The following DOCK2 variants were observed in gnomAD, a reference collection of about 807,000 sequenced individuals.
DOCK2 encodes the protein dedicator of cytokinesis protein 2.
In DOCK2, 87 loss-of-function variants were observed where a neutral mutation model predicts 248.9. The ratio of observed to expected loss-of-function variants is 0.35; its 90% CI spans 0.29 to 0.42. The LOEUF (loss-of-function observed/expected upper bound fraction) is 0.42, where lower values mean the gene tolerates loss of function less well. Among genes scored for constraint, DOCK2 ranks in the 10% least tolerant of loss-of-function variants. DOCK2 has a pLI of 1.00. For missense variants in DOCK2, 1,747 were observed against 2,300.2 expected, an observed-to-expected ratio of 0.76 and a Z score of 4.92; for synonymous variants, 805 against 821.6, an observed-to-expected ratio of 0.98 and a Z score of 0.35.
intron 27 of DOCK2, among the ~76,000 whole-genome samples, chr5:169,843,337 C>G (rs1208829471): frequency 6.6e-6 from 1 of 151,928 alleles, no homozygotes; most frequent in East Asian, 1.9e-4. Flanking sequence ...TCCTGGCTAA[C>G]ACGGTGAAAC....
At chr5:169,774,801 T>C (rs1168356913) in intron 25 of DOCK2, among the ~76,000 whole-genome samples, 2 of 152,232 alleles carry the variant, frequency 1.3e-5, no homozygotes, top group Admixed American at 6.5e-5. Flanking sequence ...TGTGGGAACC[T>C]TCTTTACTTC....
intron 35 of DOCK2, among the ~76,000 whole-genome samples, chr5:170,035,126 T>C (rs13355471): frequency 0.056 from 8,578 of 152,278 alleles, 783 homozygotes; most frequent in African/African-American, 0.2. Context: ...CCCAAGTTCT[T>C]AACCCCTATA....
At chr5:169,889,408 G>A (rs943670324) in intron 27 of DOCK2, among the ~76,000 whole-genome samples, 7 of 152,306 alleles carry the variant, frequency 4.6e-5, no homozygotes, top group Non-Finnish European at 8.8e-5. Flanking sequence ...TTCCAAGGAG[G>A]AAAAAGACCT....
At chr5:169,985,369 GTGT>G (rs1778041339) in intron 28 of DOCK2, among the ~76,000 whole-genome samples, 1 of 151,274 alleles carries the variant, frequency 6.6e-6, no homozygotes. Flanking sequence ...GTGTGTGTGT[GTGT>G]GTGTGTGTGT....
At chr5:169,699,306 TG>T in intron 11 of DOCK2, 75 bp from the exon 12 acceptor site, 3 of 1,458,826 alleles carry the variant, frequency 2.1e-6, no homozygotes, top group Non-Finnish European at 2.8e-6. Context: ...GTGGAGGGGC[TG>T]GGGAGATTCA....
rs563031723 is a variant in DOCK2 at position 170,068,022 on chromosome 5, G to A, written c.4644+336G>A. 7.2e-5 allele frequency among the ~76,000 whole-genome samples: 11 copies of A among 152,236 alleles called. No homozygotes were observed. In the South Asian group the frequency reaches 1.9e-3, roughly 26 times the overall value. ...AGTGTGAGCCAGACCATAAAAGTAC[G>A]TGCCAGTTGTATAAACCCACCTCTT... On this transcript the variant is annotated intron_variant, in intron 45 of 51. Coordinates refer to ENST00000520908, the MANE Select transcript of DOCK2 (RefSeq NM_004946.3).
At chr5:169,747,633 G>C in intron 23 of DOCK2, 129 bp downstream of exon 23, 4 of 704,300 alleles carry the variant, frequency 5.7e-6, no homozygotes, top group Non-Finnish European at 8.9e-6. Context: ...CTGGCCACTA[G>C]GTTAAAGACC....
rs35887608 is a variant in DOCK2 at position 169,718,765 on chromosome 5, T to G, written c.2241T>G (p.Ile747Met). The change falls in exon 22 of 52, where the codon ATT becomes ATG. Residue 747 changes from isoleucine (I) to methionine (M), a missense_variant. Physicochemically the swap from Ile to Met is conservative, Grantham distance 10. Transcript: ENST00000520908. ...CTTTGGAATATGTGTTCAAGTTCATTGTTCGGTCGAGGACATTATTTTCAC... is the reference window on the plus strand; with the variant it reads ...CTTTGGAATATGTGTTCAAGTTCATGGTTCGGTCGAGGACATTATTTTCAC... ...LKALEYVFKF[I>M]VRSRTLFSQL... The G allele has an allele frequency of 6.2e-7, 1 of 1,613,748 alleles. No homozygotes were observed. The highest frequency in any genetic ancestry group is 8.5e-7 in the Non-Finnish European group (1 of 1,179,722).
At chr5:170,052,028 G>A (rs1756935256) in intron 41 of DOCK2, among the ~76,000 whole-genome samples, 1 of 152,122 alleles carries the variant, frequency 6.6e-6, no homozygotes, top group South Asian at 2.1e-4. Flanking sequence ...GCAAGGATAG[G>A]GCCAACTGCT....
chr5:169,666,050 G>T (rs1006351456), intron 2 of DOCK2, among the ~76,000 whole-genome samples: 1 of 152,126 alleles, frequency 6.6e-6, no homozygotes, highest in African/African-American at 2.4e-5. Context: ...ATCATAAACT[G>T]CTTAAATAAG....
At chr5:170,001,010 T>C (rs976533177) in intron 30 of DOCK2, among the ~76,000 whole-genome samples, 3 of 152,130 alleles carry the variant, frequency 2.0e-5, no homozygotes, top group Admixed American at 6.6e-5. Context: ...GGACTCATGG[T>C]GGGATGGTTG....
chr5:169,890,610 G>A (rs1396801217), intron 27 of DOCK2, among the ~76,000 whole-genome samples: 2 of 152,100 alleles, frequency 1.3e-5, no homozygotes, highest in East Asian at 1.9e-4. Flanking sequence ...ACATTCTGTT[G>A]TAAGTGGTCA....
At position 169,764,325 on chromosome 5, in the gene DOCK2, G is replaced by C. The variant is rs1027039642; in HGVS notation, c.2554+2700G>C. Among the ~76,000 whole-genome samples the C allele has an allele frequency of 1.3e-5, 2 of 152,194 alleles. No homozygotes were observed. The highest frequency in any genetic ancestry group is 2.4e-5 in the African/African-American group (1 of 41,448). ...TTAAGCACTTTCTGGGATTTTGGCA[G>C]ACTACCCTATTGGCCTGTCATCAGA... On this transcript the variant is annotated intron_variant, in intron 25 of 51. Coordinates refer to ENST00000520908, the MANE Select transcript of DOCK2 (RefSeq NM_004946.3). This position sits in a 1 kb window ranked among gnomAD's most constrained non-coding sequence, Gnocchi z 4.3.
At chr5:169,662,943 G>T (rs545479887) in intron 2 of DOCK2, among the ~76,000 whole-genome samples, 129 of 152,244 alleles carry the variant, frequency 8.5e-4, no homozygotes, top group Non-Finnish European at 1.7e-3. Flanking sequence ...ACTCACTCCA[G>T]CATTAACTCA....
intron 29 of DOCK2, among the ~76,000 whole-genome samples, chr5:169,991,723 C>T (rs1172306946): frequency 1.3e-5 from 2 of 152,152 alleles, no homozygotes; most frequent in Admixed American, 1.3e-4. Flanking sequence ...CATGCCAGTG[C>T]CGGAAGTTCA....
intron 26 of DOCK2, among the ~76,000 whole-genome samples, chr5:169,822,978 A>G (rs1167293139): frequency 6.6e-6 from 1 of 152,252 alleles, no homozygotes; most frequent in African/African-American, 2.4e-5. Context: ...ACCATCAGAG[A>G]ATACTATAAC....
At chr5:170,048,616 G>A (rs550357418) in intron 40 of DOCK2, among the ~76,000 whole-genome samples, 1 of 152,154 alleles carries the variant, frequency 6.6e-6, no homozygotes, top group Non-Finnish European at 1.5e-5. Flanking sequence ...CACACATCAC[G>A]CAGCCTCAGA....
chr5:170,056,627 C>T (rs372639732), intron 42 of DOCK2, 57 bp from the exon 43 acceptor site: 15 of 1,448,598 alleles, frequency 1.0e-5, no homozygotes, highest in Non-Finnish European at 1.3e-5. Context: ...AGGGTCAGAT[C>T]GGGTGTCAGC....
At chr5:169,966,266 CA>C (rs1476657615) in intron 27 of DOCK2, among the ~76,000 whole-genome samples, 1 of 151,690 alleles carries the variant, frequency 6.6e-6, no homozygotes, top group African/African-American at 2.4e-5. Context: ...AAATGGGCTG[CA>C]AATGTGTACA....
Sources: allele counts gnomAD v4.1 joint callset (sites outside exome capture counted in the v4.1 genomes callset), GRCh38; gene constraint gnomAD v4.1.1; non-coding constraint Gnocchi (gnomAD v3.1); transcripts MANE v1.5; gene names NCBI Gene and HGNC (gene_info 2026-07-23, HGNC 2026-07-21).